The following DPP8 variants were observed in gnomAD, a reference collection of about 807,000 sequenced individuals.
DPP8 encodes the protein dipeptidyl peptidase 8.
DPP8 carries 31 observed loss-of-function variants against 107.5 expected under a neutral mutation model. The observed-to-expected ratio is 0.29, with a 90% CI of 0.22 to 0.39. The LOEUF (loss-of-function observed/expected upper bound fraction) is 0.39. DPP8 is among the 10% of genes least tolerant of loss of function. The pLI is 1.00. For missense variants in DPP8, 842 were observed against 1,076.1 expected (o/e 0.78, Z 3.04); for synonymous variants, 381 against 356.6 (o/e 1.07, Z -0.77).
At chr15:65,466,385 G>A (rs747153723) in intron 14 of DPP8, among the ~76,000 whole-genome samples, 2 of 152,092 alleles carry the variant, frequency 1.3e-5, no homozygotes, top group Non-Finnish European at 2.9e-5. Flanking sequence ...TGATCCACCC[G>A]CCTTGGTCTC....
At chr15:65,461,236 C>G (rs2064893584) in intron 15 of DPP8, among the ~76,000 whole-genome samples, 1 of 152,150 alleles carries the variant, frequency 6.6e-6, no homozygotes, top group African/African-American at 2.4e-5. Flanking sequence ...CCTCGAACTC[C>G]TGGGCTCAGG....
At position 65,485,850 on chromosome 15, in the gene DPP8, T is replaced by C. The variant is rs1022601967; in HGVS notation, c.956-690A>G. 4.0e-5 allele frequency among the ~76,000 whole-genome samples: 6 copies of C among 151,784 alleles called. No individual in the cohort carries two copies. The South Asian group carries it at 8.3e-4, about 21-fold the overall frequency. On this transcript the variant is annotated intron_variant, in intron 7 of 19. Transcript: ENST00000300141. ...GGCTCACGCCTGTAATCCCAGCACTTTGGGAGGCCGAGGCAGGTGGATCAC... is the reference window on the plus strand; with the variant it reads ...GGCTCACGCCTGTAATCCCAGCACTCTGGGAGGCCGAGGCAGGTGGATCAC...
intron 1 of DPP8, 82 bp from the exon 2 acceptor site, chr15:65,512,646 G>A: frequency 6.7e-7 from 1 of 1,486,454 alleles, no homozygotes; most frequent in South Asian, 1.3e-5. Context: ...CAAAAAAAAA[G>A]CGGGGGAGTG....
rs142093539 is a variant in DPP8 at position 65,487,715 on chromosome 15, T to C, written c.930A>G (p.Ala310=). ...VTSPMLETRR[A]DSFRYPKTGT... Reference sequence around the variant, plus strand: ...CTGTTTTAGGATAACGGAATGAATCTGCCCTCCTTGTTTCCAACATAGGGG... The same window carrying C: ...CTGTTTTAGGATAACGGAATGAATCCGCCCTCCTTGTTTCCAACATAGGGG... The change falls in exon 7 of 20, where the codon GCA becomes GCG. Residue 310 remains alanine (A), a synonymous_variant. Transcript: ENST00000300141. The C allele has an allele frequency of 4.5e-5, 72 of 1,609,616 alleles. No homozygotes were observed. The highest frequency in any genetic ancestry group is 3.3e-4 in the Middle Eastern group (2 of 6,076).
At chr15:65,474,092 A>C (rs2066166118) in intron 12 of DPP8, 117 bp downstream of exon 12, 2 of 762,290 alleles carry the variant, frequency 2.6e-6, no homozygotes, top group East Asian at 5.4e-5. Context: ...GCGACAGAGC[A>C]AGACTCTGTC....
At chr15:65,514,288 G>C (rs990685095) in intron 1 of DPP8, among the ~76,000 whole-genome samples, 1 of 152,166 alleles carries the variant, frequency 6.6e-6, no homozygotes, top group African/African-American at 2.4e-5. Flanking sequence ...TTGTATCATT[G>C]TAACAAATGA....
chr15:65,496,720 G>A (rs1204948187), intron 5 of DPP8, among the ~76,000 whole-genome samples: 5 of 151,052 alleles, frequency 3.3e-5, no homozygotes, highest in Non-Finnish European at 5.9e-5. Context: ...GCGCAATCAC[G>A]TTTCACTTTA....
At chr15:65,454,857 A>G (rs1431048766) in intron 16 of DPP8, among the ~76,000 whole-genome samples, 1 of 152,062 alleles carries the variant, frequency 6.6e-6, no homozygotes, top group Non-Finnish European at 1.5e-5. Flanking sequence ...GTTTATTACC[A>G]ACTGAGATTC....
chr15:65,466,617 C>G, intron 14 of DPP8, 61 bp downstream of exon 14: 2 of 1,431,926 alleles, frequency 1.4e-6, no homozygotes, highest in Non-Finnish European at 2.0e-6. Flanking sequence ...ATATGACACA[C>G]GTTTAGTGTA....
chr15:65,466,715 T>C lies in DPP8; in HGVS notation c.1788A>G (p.Lys596=), dbSNP rs2065391352. ...AAATGGTGGCCCAAAATTCCTTTGT[T>C]TTGCAAGTTGGGTCATCTTCAGGAC... The part of the protein sequence containing the change: ...LSSPEDDPTC[K]TKEFWATILD... The change falls in exon 14 of 20, where the codon AAA becomes AAG. Residue 596 remains lysine (K), a synonymous_variant. Coordinates refer to ENST00000300141, the MANE Select transcript of DPP8 (RefSeq NM_130434.5). 1 of 1,614,154 alleles carries C rather than the reference T, an allele frequency of 6.2e-7. No homozygotes were observed.
At chr15:65,500,988 C>T (rs2069171079) in intron 3 of DPP8, among the ~76,000 whole-genome samples, 2 of 151,422 alleles carry the variant, frequency 1.3e-5, no homozygotes, top group Admixed American at 6.6e-5. Context: ...CACCATTCTC[C>T]TGCCTCAGCC....
chr15:65,486,767 T>G (rs967227233), intron 7 of DPP8, among the ~76,000 whole-genome samples: 2 of 152,212 alleles, frequency 1.3e-5, no homozygotes, highest in East Asian at 3.9e-4. Context: ...CACTGATAAG[T>G]GGGAGCTAAG....
chr15:65,485,051 T>A, intron 8 of DPP8, 48 bp downstream of exon 8: 1 of 1,430,196 alleles, frequency 7.0e-7, no homozygotes, highest in Non-Finnish European at 9.9e-7. Flanking sequence ...CTGGGCTGAA[T>A]AGATTAGTCA....
intron 19 of DPP8, among the ~76,000 whole-genome samples, chr15:65,447,307 GAAC>G (rs2063549655): frequency 6.6e-6 from 1 of 152,132 alleles, no homozygotes; most frequent in Non-Finnish European, 1.5e-5. Flanking sequence ...ACTACTTTTA[GAAC>G]AACACAAAGA....
At chr15:65,455,786 T>C in intron 16 of DPP8, 2 of 1,289,116 alleles carry the variant, frequency 1.6e-6, no homozygotes, top group African/African-American at 1.5e-5. Context: ...TCTCATCATT[T>C]CCCAAAGCAG....
intron 4 of DPP8, 64 bp from the exon 5 acceptor site, chr15:65,498,096 T>A: frequency 8.4e-7 from 1 of 1,193,564 alleles, no homozygotes; most frequent in South Asian, 2.0e-5. Flanking sequence ...CCAGCACCCT[T>A]CCTATAAGAT....
chr15:65,448,046 A>T (rs1834781477), intron 19 of DPP8, among the ~76,000 whole-genome samples: 1 of 152,168 alleles, frequency 6.6e-6, no homozygotes, highest in Non-Finnish European at 1.5e-5. Flanking sequence ...CTTTACTGTG[A>T]CAGAGTATGA....
chr15:65,479,887 T>C (rs1035869797), intron 10 of DPP8, among the ~76,000 whole-genome samples: 1 of 151,310 alleles, frequency 6.6e-6, no homozygotes, highest in African/African-American at 2.4e-5. Context: ...AATTGGTATA[T>C]TTTGGTACAG....
At chr15:65,471,347 T>C (rs922375251) in intron 12 of DPP8, among the ~76,000 whole-genome samples, 1 of 152,144 alleles carries the variant, frequency 6.6e-6, no homozygotes, top group African/African-American at 2.4e-5. Context: ...CCTGAAGTTT[T>C]TGTTGTTGCT....
Sources: allele counts gnomAD v4.1 joint callset (sites outside exome capture counted in the v4.1 genomes callset), GRCh38; gene constraint gnomAD v4.1.1; transcripts MANE v1.5; gene names NCBI Gene and HGNC (gene_info 2026-07-23, HGNC 2026-07-21).